FTCD: variants seen among roughly 807,000 people sequenced by gnomAD.
FTCD encodes the protein formimidoyltransferase-cyclodeaminase.
FTCD carries 76 observed loss-of-function variants against 62.9 expected under a neutral mutation model. The observed-to-expected ratio is 1.21, with a 90% CI of 1.00 to 1.46. FTCD has a LOEUF of 1.46. FTCD is among the 40% of genes most tolerant of loss of function. The pLI is 0.00. For missense variants in FTCD, 845 were observed against 751.3 expected, an observed-to-expected ratio of 1.12 and a Z score of -1.46; for synonymous variants, 397 against 336.9, an observed-to-expected ratio of 1.18 and a Z score of -1.95.
In FTCD at chr21:46,137,036, T is replaced by C. The variant is rs777523200; in HGVS notation, c.1577A>G (p.Lys526Arg). Residue 526 changes from lysine to arginine, a missense_variant, in exon 14 of 14, where the codon AAG (lysine) becomes AGG (arginine). Transcript: ENST00000397746. The stretch of plus-strand genomic sequence containing the variant: ...GTCCAGCACCAGTGCAGCCTGGGTC[T>C]TGGCTTCCTGCAGGAGGCTGGAAAC... ...HRVSSLLQEA[K>R]TQAALVLDCL... The C allele has an allele frequency of 4.7e-5, 76 of 1,613,616 alleles. No individual in the cohort carries two copies. The highest frequency in any genetic ancestry group is 3.3e-4 in the Middle Eastern group (2 of 6,084).
intron 7 of FTCD, among the ~76,000 whole-genome samples, chr21:46,148,419 G>A (rs2079197225): frequency 6.6e-6 from 1 of 152,186 alleles, no homozygotes; most frequent in South Asian, 2.1e-4. Flanking sequence ...GAGTCCAGGA[G>A]TTTGAGACCA....
At chr21:46,139,326 A>G (rs1265743838) in intron 10 of FTCD, among the ~76,000 whole-genome samples, 1 of 152,202 alleles carries the variant, frequency 6.6e-6, no homozygotes, top group East Asian at 1.9e-4. Flanking sequence ...ACTGTGCAGA[A>G]GGACCAAGAG....
rs562085907 is a variant in FTCD, at chr21:46,153,180, A to G, written c.239-145T>C. 2.5e-3 allele frequency: 2,115 copies of G among 838,870 alleles called. 3 individuals carry two copies. Among genetic ancestry groups the G allele is most frequent in the Non-Finnish European group, 3.4e-3 (1,918 of 560,110 alleles). 52.0% of individuals were successfully genotyped at this position (838,870 alleles called of 1,614,324 possible). ...AAGCTGCTCACACTGACCCACAGGG[A>G]GGAGGCCGGCCCTGGGCGCTCCCAG... On this transcript the variant is annotated intron_variant, in intron 2 of 13. Transcript: ENST00000397746.
chr21:46,140,928 G>A (rs1209792835), intron 10 of FTCD, among the ~76,000 whole-genome samples: 2 of 148,474 alleles, frequency 1.3e-5, no homozygotes, highest in Admixed American at 6.7e-5. Flanking sequence ...CCACCTTCAC[G>A]TGGCTCACAG....
chr21:46,151,757 G>A lies in FTCD; in HGVS notation c.457-20C>T, dbSNP rs1477701610. The A allele has an allele frequency of 1.9e-6, 3 of 1,612,016 alleles. No homozygotes were observed. The highest frequency in any genetic ancestry group is 1.1e-5 in the South Asian group (1 of 91,056). On this transcript the variant is annotated intron_variant, in intron 4 of 13. Transcript: ENST00000397746. The stretch of plus-strand genomic sequence containing the variant: ...CTGGAGCTGTGAGCAAGTTCGCTCT[G>A]GGGTGAGACATCCCCCACGGGAGGG...
At chr21:46,149,157 A>G (rs57156720) in intron 7 of FTCD, among the ~76,000 whole-genome samples, 5,950 of 152,306 alleles carry the variant, frequency 0.039, 387 homozygotes, top group African/African-American at 0.14. Flanking sequence ...CTCTGTAAGA[A>G]ATTATACAAA....
intron 8 of FTCD, 114 bp from the exon 9 acceptor site, chr21:46,146,061 C>A: frequency 1.1e-5 from 8 of 739,706 alleles, no homozygotes; most frequent in Non-Finnish European, 1.7e-5. Flanking sequence ...GGTGACCACT[C>A]GGCTGAGAAC....
At chr21:46,146,088 G>A (rs546556076) in intron 8 of FTCD, 141 bp from the exon 9 acceptor site, 28 of 713,912 alleles carry the variant, frequency 3.9e-5, no homozygotes, top group Admixed American at 3.3e-4. Context: ...GGACCCGGCC[G>A]GGGTCTCTGT....
intron 12 of FTCD, among the ~76,000 whole-genome samples, chr21:46,137,844 TG>T (rs1418102652): frequency 9.8e-6 from 1 of 102,246 alleles, no homozygotes; most frequent in South Asian, 2.6e-4. Context: ...TGCCCAGCTG[TG>T]GCCCCTGTCA....
Position 46,138,371 on chromosome 21 carries a change from G to A in FTCD, c.1443+137C>T, listed in dbSNP as rs894878787. ...CCCGGCCCTGTTGGAGGAGGCCAAAGCCCCGGGAACTGCCCGTGAAGTGAG... is the reference window on the plus strand; with the variant it reads ...CCCGGCCCTGTTGGAGGAGGCCAAAACCCCGGGAACTGCCCGTGAAGTGAG... On this transcript the variant is annotated intron_variant, in intron 12 of 13. Coordinates refer to ENST00000397746, the MANE Select transcript of FTCD (RefSeq NM_206965.2). 46 of 800,568 alleles carry A rather than the reference G, an allele frequency of 5.7e-5. No homozygotes were observed. In the Middle Eastern group the frequency reaches 1.1e-3, roughly 19 times the overall value. The allele number at this position is 800,568 out of a possible 1,614,324, so 49.6% of individuals were successfully genotyped here.
At chr21:46,154,104 G>A in intron 2 of FTCD, 45 bp downstream of exon 2, 2 of 1,596,688 alleles carry the variant, frequency 1.3e-6, no homozygotes, top group Non-Finnish European at 1.7e-6. Context: ...GCTCGGCCCT[G>A]ACATTCTGAG....
At position 46,155,579 on chromosome 21, in the gene FTCD, T is replaced by C; in HGVS notation, c.-56A>G. The C allele has an allele frequency of 6.7e-7, 1 of 1,490,780 alleles. No homozygotes were observed. The highest frequency in any genetic ancestry group is 1.1e-5 in the South Asian group (1 of 88,668). 92.3% of individuals were successfully genotyped at this position (1,490,780 alleles called of 1,614,324 possible). A position where few individuals can be genotyped will look rare whatever the true frequency, so the allele number is the denominator to read the frequency against. The stretch of plus-strand genomic sequence containing the variant: ...TGGGCAGATGGAAGGACAGGGCCAG[T>C]GCTCCGCAGCCGCCGCCAGGGCCTT... On this transcript the variant is annotated 5_prime_UTR_variant, in exon 1 of 14. Coordinates refer to ENST00000397746, the MANE Select transcript of FTCD (RefSeq NM_206965.2).
intron 10 of FTCD, chr21:46,141,993 G>T (rs1487073288): frequency 6.6e-6 from 1 of 152,380 alleles, no homozygotes; most frequent in Non-Finnish European, 1.5e-5. Context: ...TGTGTGCGAG[G>T]GGAAGGAAAG....
rs551682409 is a variant in FTCD, at chr21:46,153,096, G to A, written c.239-61C>T. On this transcript the variant is annotated intron_variant, in intron 2 of 13. Coordinates refer to ENST00000397746, the MANE Select transcript of FTCD (RefSeq NM_206965.2). The stretch of plus-strand genomic sequence containing the variant: ...GTGTGGGAGCGGGTGGGAGCTCCAC[G>A]GGGTTCTCGGACCCTCTGTCCTCTC... 2.9e-4 allele frequency: 432 copies of A among 1,504,254 alleles called. 2 individuals carry two copies. The East Asian group carries it at 8.5e-3, about 30-fold the overall frequency. The allele number at this position is 1,504,254 out of a possible 1,614,324, so 93.2% of individuals were successfully genotyped here.
At chr21:46,140,391 G>A (rs1433781055) in intron 10 of FTCD, among the ~76,000 whole-genome samples, 2 of 143,918 alleles carry the variant, frequency 1.4e-5, no homozygotes, top group Admixed American at 6.9e-5. Flanking sequence ...CTCACAGGGA[G>A]TGTAAACCAA....
intron 8 of FTCD, 125 bp downstream of exon 8, chr21:46,146,141 A>T: frequency 1.3e-6 from 1 of 793,468 alleles, no homozygotes; most frequent in South Asian, 1.5e-5. Flanking sequence ...CAGGCCGAGT[A>T]GGCGCCCAAA....
In FTCD at chr21:46,154,343, G is replaced by A. The variant is rs761640904; in HGVS notation, c.55-11C>T. 6.2e-7 allele frequency: 1 copy of A among 1,606,774 alleles called. No homozygotes were observed. The highest frequency in any genetic ancestry group is 1.1e-5 in the South Asian group (1 of 90,376). ...GATGGCGTCGATCACCTGGGACACA[G>A]GCCCGGCCCCCACACCTCAGTCTCC... On this transcript the variant is annotated splice_polypyrimidine_tract_variant and intron_variant, in intron 1 of 13. Coordinates refer to ENST00000397746, the MANE Select transcript of FTCD (RefSeq NM_206965.2).
intron 12 of FTCD, among the ~76,000 whole-genome samples, 186 bp from the exon 13 acceptor site, chr21:46,137,520 T>C (rs944900485): frequency 6.6e-6 from 1 of 152,128 alleles, no homozygotes; most frequent in Non-Finnish European, 1.5e-5. Context: ...AAACAAAACT[T>C]TCTCTTATCC....
Position 46,138,618 on chromosome 21 carries a change from T to C in FTCD, c.1333A>G (p.Arg445Gly). 1 of 1,593,974 alleles carries C rather than the reference T, an allele frequency of 6.3e-7. No homozygotes were observed. The highest frequency in any genetic ancestry group is 1.1e-5 in the South Asian group (1 of 90,112). The part of the protein sequence containing the change: ...RRTAALQEGL[R>G]RAVSVPLTLA... ...GTCAGCGGCACAGAGACTGCCCGCCTCAGACCCTCCTGTAGGGCCGCCGTG... is the reference window on the plus strand; with the variant it reads ...GTCAGCGGCACAGAGACTGCCCGCCCCAGACCCTCCTGTAGGGCCGCCGTG... Residue 445 changes from arginine (R) to glycine (G), a missense_variant, in exon 12 of 14, where the codon AGG becomes GGG. By Grantham distance (125) the Arg-to-Gly change is moderately radical (BLOSUM62 -2). Coordinates refer to ENST00000397746, the MANE Select transcript of FTCD (RefSeq NM_206965.2).
Sources: gnomAD v4.1 joint callset for allele counts (sites outside exome capture counted in the v4.1 genomes callset) on GRCh38, gnomAD v4.1.1 for gene constraint, MANE v1.5 for transcripts, NCBI Gene and HGNC (gene_info 2026-07-23, HGNC 2026-07-21) for gene names.